RAPGEF4: variants seen among roughly 807,000 people sequenced by gnomAD.
RAPGEF4 encodes Rap guanine nucleotide exchange factor 4.
Under a neutral mutation model 147.9 loss-of-function variants are expected in RAPGEF4, and 66 were observed. That is an observed-to-expected ratio of 0.45 (90% CI 0.37 to 0.55). The LOEUF (loss-of-function observed/expected upper bound fraction) is 0.55, where lower values mean the gene tolerates loss of function less well. Among genes scored for constraint, RAPGEF4 ranks in the 20% least tolerant of loss-of-function variants. The pLI is 0.00. For synonymous variants in RAPGEF4, 419 were observed against 442.7 expected (o/e 0.95, Z 0.67); for missense variants, 1,071 against 1,257.3 (o/e 0.85, Z 2.24).
intron 1 of RAPGEF4, among the ~76,000 whole-genome samples, chr2:172,764,252 CA>C (rs11297899): frequency 0.88 from 127,484 of 145,488 alleles, 57,336 homozygotes; most frequent in Non-Finnish European, 0.98. Context: ...GACCCTGTCT[CA>C]AAAAAAAAAA....
intron 4 of RAPGEF4, among the ~76,000 whole-genome samples, chr2:172,875,330 T>C (rs372047616): frequency 0.076 from 11,529 of 152,232 alleles, 508 homozygotes; most frequent in South Asian, 0.14. Flanking sequence ...CCCATGCCTA[T>C]GTCCTGAATG....
At position 173,017,235 on chromosome 2, in the gene RAPGEF4, G is replaced by A. The variant is rs749969432; in HGVS notation, c.1929+31G>A. 4 of 1,601,348 alleles carry A rather than the reference G, an allele frequency of 2.5e-6. No homozygotes were observed. In the Admixed American group the frequency reaches 6.7e-5, roughly 27 times the overall value. On this transcript the variant is annotated intron_variant, in intron 20 of 30. Coordinates refer to ENST00000397081, the MANE Select transcript of RAPGEF4 (RefSeq NM_007023.4). ...TGGCATGAACTTGCATTCTCTGTCT[G>A]TGTCCTGTAGAATTACAATTCCCCA...
intron 8 of RAPGEF4, chr2:172,965,329 C>A: frequency 1.8e-6 from 1 of 553,998 alleles, no homozygotes; most frequent in Non-Finnish European, 3.2e-6. Flanking sequence ...AGTTGTAATG[C>A]TTTCATTTAA....
At chr2:172,982,975 A>G (rs1047997523) in intron 10 of RAPGEF4, among the ~76,000 whole-genome samples, 2 of 152,186 alleles carry the variant, frequency 1.3e-5, no homozygotes, top group African/African-American at 4.8e-5. Context: ...TTGAGTCTGC[A>G]TACATCCTAT....
chr2:173,005,240 G>C (rs987912664), intron 17 of RAPGEF4, among the ~76,000 whole-genome samples: 1 of 151,966 alleles, frequency 6.6e-6, no homozygotes, highest in Admixed American at 6.6e-5. Context: ...AGAATATGTA[G>C]TATGTTAATG....
At position 172,767,328 on chromosome 2, in the gene RAPGEF4, G is replaced by A. The variant is rs188408794; in HGVS notation, c.66-27697G>A. On this transcript the variant is annotated intron_variant, in intron 1 of 30. Coordinates refer to ENST00000397081, the MANE Select transcript of RAPGEF4 (RefSeq NM_007023.4). ...CGAGTAGCTGGGATTACAGGCATGC[G>A]CCACCATGCCCGGCTAGTTTTTGTA... Among the ~76,000 whole-genome samples the A allele has an allele frequency of 3.9e-3, 590 of 152,108 alleles. 4 individuals carry two copies. The highest frequency in any genetic ancestry group is 0.013 in the African/African-American group (559 of 41,498).
intron 1 of RAPGEF4, among the ~76,000 whole-genome samples, chr2:172,783,870 A>G (rs1684929767): frequency 6.6e-6 from 1 of 152,040 alleles, no homozygotes; most frequent in African/African-American, 2.4e-5. Context: ...GAGGGGCCAC[A>G]GTGATGCACC....
chr2:173,026,595 C>G lies in RAPGEF4; in HGVS notation c.2277C>G (p.Gly759=), dbSNP rs1218414363. ...AGACTCCCTTACCAGAACAGGAAGGCCCAACTGTTGGAACAGTGGGAACTT... is the reference window on the plus strand; with the variant it reads ...AGACTCCCTTACCAGAACAGGAAGGGCCAACTGTTGGAACAGTGGGAACTT... ...DSLTPLPEQE[G]PTVGTVGTFE... Residue 759 remains glycine, a synonymous_variant, in exon 24 of 31, where the codon GGC becomes GGG. Transcript: ENST00000397081. 15 of 1,613,464 alleles carry G rather than the reference C, an allele frequency of 9.3e-6. No homozygotes were observed. Among genetic ancestry groups the G allele is most frequent in the Non-Finnish European group, 1.3e-5 (15 of 1,179,508 alleles).
At chr2:172,770,299 A>G (rs1697232847) in intron 1 of RAPGEF4, among the ~76,000 whole-genome samples, 1 of 152,190 alleles carries the variant, frequency 6.6e-6, no homozygotes, top group African/African-American at 2.4e-5. Context: ...TATGGTGGTT[A>G]AGAGAGCAGT....
At position 173,033,976 on chromosome 2, in the gene RAPGEF4, T is replaced by C; in HGVS notation, c.2700+12T>C. The stretch of plus-strand genomic sequence containing the variant: ...TTGAAAGTTTAATGGTAAGTGACAG[T>C]GGCTTCTTTATTCTGTTCACTGTCT... On this transcript the variant is annotated intron_variant, in intron 27 of 30. Transcript: ENST00000397081. 6.2e-7 allele frequency: 1 copy of C among 1,608,870 alleles called. No individual in the cohort carries two copies. The highest frequency in any genetic ancestry group is 8.5e-7 in the Non-Finnish European group (1 of 1,177,500).
chr2:172,846,123 C>T (rs73977711), intron 4 of RAPGEF4, among the ~76,000 whole-genome samples: 4,482 of 152,306 alleles, frequency 0.029, 106 homozygotes, highest in East Asian at 0.11. Context: ...AAACTTCATG[C>T]ATTTCAAATG....
At chr2:172,848,730 G>A (rs1048027975) in intron 4 of RAPGEF4, among the ~76,000 whole-genome samples, 6 of 152,166 alleles carry the variant, frequency 3.9e-5, no homozygotes, top group Non-Finnish European at 7.3e-5. Context: ...GGGGAGGGGT[G>A]GGAATATAGC....
chr2:173,024,257 G>A (rs1449127712), intron 23 of RAPGEF4, among the ~76,000 whole-genome samples: 17 of 133,110 alleles, frequency 1.3e-4, no homozygotes, highest in Non-Finnish European at 2.6e-4. Context: ...TCGCTCTGTC[G>A]CCCAGGCTGG....
chr2:172,804,519 G>C (rs1173550666), intron 3 of RAPGEF4, among the ~76,000 whole-genome samples: 2 of 152,192 alleles, frequency 1.3e-5, no homozygotes, highest in Non-Finnish European at 2.9e-5. Flanking sequence ...AGTGCCTGAT[G>C]CCTGAGTAGC....
intron 8 of RAPGEF4, chr2:172,965,178 G>A: frequency 4.7e-6 from 1 of 214,588 alleles, no homozygotes. Context: ...CAGGTGGAGA[G>A]AGTCAGTATG....
chr2:172,951,772 A>C (rs1256931717), intron 6 of RAPGEF4, among the ~76,000 whole-genome samples: 4 of 152,154 alleles, frequency 2.6e-5, no homozygotes, highest in African/African-American at 7.2e-5. Context: ...TAAACTATAG[A>C]GTTTGGCTTT....
At position 172,967,263 on chromosome 2, in the gene RAPGEF4, G is replaced by T; in HGVS notation, c.823G>T (p.Asp275Tyr). ...ACGTGCTTCCATGTTTCCCATAGTG[G>T]ACCAGGAGCACCATTTCCAAGACAA... ...LLEDGVLNHV[D>Y]QEHHFQDKYL... The change falls in exon 10 of 31, where the codon GAC becomes TAC. Residue 275 changes from aspartate (D) to tyrosine (Y), a missense_variant and splice_region_variant. Transcript: ENST00000397081. 6.2e-7 allele frequency: 1 copy of T among 1,611,396 alleles called. No individual in the cohort carries two copies. The highest frequency in any genetic ancestry group is 1.1e-5 in the South Asian group (1 of 90,552).
At chr2:172,806,015 CTGTGTGTG>C (rs36226317) in intron 3 of RAPGEF4, among the ~76,000 whole-genome samples, 26,847 of 145,162 alleles carry the variant, frequency 0.18, 2,962 homozygotes, top group East Asian at 0.55. Context: ...TATTATCCGG[CTGTGTGTG>C]TGTGTGTGTG....
At chr2:173,011,567 C>T (rs927297921) in intron 17 of RAPGEF4, among the ~76,000 whole-genome samples, 1 of 152,052 alleles carries the variant, frequency 6.6e-6, no homozygotes, top group African/African-American at 2.4e-5. Flanking sequence ...TCTCTCCCCC[C>T]ACTCCTCCTT....
Sources: gnomAD v4.1 joint callset for allele counts (sites outside exome capture counted in the v4.1 genomes callset) on GRCh38, gnomAD v4.1.1 for gene constraint, MANE v1.5 for transcripts, NCBI Gene and HGNC (gene_info 2026-07-23, HGNC 2026-07-21) for gene names.